CLK2: variants seen among roughly 807,000 people sequenced by gnomAD.
The protein encoded by CLK2 is dual specificity protein kinase CLK2.
In CLK2, 12 loss-of-function variants were observed where a neutral mutation model predicts 73.5. That is an observed-to-expected ratio of 0.16 (90% CI 0.10 to 0.26). The LOEUF is 0.26. CLK2 is among the 10% of genes least tolerant of loss of function. The pLI, the probability that CLK2 is intolerant of heterozygous loss-of-function variation, is 1.00. For missense variants in CLK2, 509 were observed against 688.4 expected (o/e 0.74, Z 2.92); for synonymous variants, 232 against 237.9 (o/e 0.98, Z 0.23).
chr1:155,265,662 C>A (rs1673199938), intron 8 of CLK2, among the ~76,000 whole-genome samples, 198 bp downstream of exon 8: 1 of 152,058 alleles, frequency 6.6e-6, no homozygotes, highest in South Asian at 2.1e-4. Flanking sequence ...CTGAAGTCCC[C>A]TGTACAAGTT....
Position 155,268,417 on chromosome 1 carries a change from T to C in CLK2, c.488-58A>G. The stretch of plus-strand genomic sequence containing the variant: ...GAGGGAGAGAAGGTGGGGAATGAGC[T>C]GAGTTGGAAGAAAAAAGGGGACAGC... On this transcript the variant is annotated intron_variant, in intron 4 of 12. Transcript: ENST00000368361. The surrounding 1 kb of genome is among the most constrained non-coding windows in gnomAD (Gnocchi z 5.6). The C allele has an allele frequency of 6.8e-7, 1 of 1,470,622 alleles. No homozygotes were observed. Among genetic ancestry groups the C allele is most frequent in the Non-Finnish European group, 9.5e-7 (1 of 1,051,678 alleles). 91.1% of individuals were successfully genotyped at this position (1,470,622 alleles called of 1,614,324 possible). A position where few individuals can be genotyped will look rare whatever the true frequency, so the allele number is the denominator to read the frequency against.
Position 155,263,037 on chromosome 1 carries a change from A to G in CLK2, c.*181T>C. 1 of 615,844 alleles carries G rather than the reference A, an allele frequency of 1.6e-6. No homozygotes were observed. The highest frequency in any genetic ancestry group is 1.8e-5 in the African/African-American group (1 of 54,418). 38.1% of individuals were successfully genotyped at this position (615,844 alleles called of 1,614,324 possible). A position where few individuals can be genotyped will look rare whatever the true frequency, so the allele number is the denominator to read the frequency against. ...GATGGAATAGTATTATGTACAAGGC[A>G]GGGGTTGAAGTGATAGGTACAAGTT... On this transcript the variant is annotated 3_prime_UTR_variant, in exon 13 of 13. Transcript: ENST00000368361.
intron 9 of CLK2, 36 bp from the exon 10 acceptor site, chr1:155,264,586 C>T (rs1673137734): frequency 1.9e-6 from 3 of 1,614,086 alleles, no homozygotes; most frequent in South Asian, 1.1e-5. Context: ...TGTTATGAGG[C>T]TTAGGTGGCC....
chr1:155,263,833 C>T, intron 12 of CLK2, 117 bp downstream of exon 12: 1 of 1,376,780 alleles, frequency 7.3e-7, no homozygotes, highest in South Asian at 1.3e-5. Context: ...CTTCTTTCAG[C>T]TTTCCTCCCC....
chr1:155,263,101 T>C lies in CLK2; in HGVS notation c.*117A>G, dbSNP rs1025484647. The C allele has an allele frequency of 7.3e-6, 7 of 961,470 alleles. No homozygotes were observed. Among genetic ancestry groups the C allele is most frequent in the African/African-American group, 1.7e-5 (1 of 60,488 alleles). 59.6% of individuals were successfully genotyped at this position (961,470 alleles called of 1,614,324 possible). On this transcript the variant is annotated 3_prime_UTR_variant, in exon 13 of 13. Coordinates refer to ENST00000368361, the MANE Select transcript of CLK2 (RefSeq NM_001294338.2). ...ACTATTTCACATATTCACAGGTATA[T>C]AGAGAGCCAGGAGGAAGGAGTGAAC...
At chr1:155,267,368 G>C (rs1673278779) in intron 6 of CLK2, among the ~76,000 whole-genome samples, 1 of 152,138 alleles carries the variant, frequency 6.6e-6, no homozygotes, top group Admixed American at 6.5e-5. Flanking sequence ...GGGATTACAG[G>C]CGTGAGCCAC....
Position 155,268,821 on chromosome 1 carries a change from G to T in CLK2, c.400-26C>A. 2 of 1,192,890 alleles carry T rather than the reference G, an allele frequency of 1.7e-6. No homozygotes were observed. Among genetic ancestry groups the T allele is most frequent in the Non-Finnish European group, 2.3e-6 (2 of 853,530 alleles). 73.9% of individuals were successfully genotyped at this position (1,192,890 alleles called of 1,614,324 possible). A position where few individuals can be genotyped will look rare whatever the true frequency, so the allele number is the denominator to read the frequency against. On this transcript the variant is annotated intron_variant, in intron 3 of 12. Transcript: ENST00000368361. This position sits in a 1 kb window ranked among gnomAD's most constrained non-coding sequence, Gnocchi z 5.6. Reference sequence around the variant, plus strand: ...CTGTCGGGGGGCAGGGGGGGTCGGAGCAAGCCAGGTGTCGGAGCGGGGGCC... The same window carrying T: ...CTGTCGGGGGGCAGGGGGGGTCGGATCAAGCCAGGTGTCGGAGCGGGGGCC...
At chr1:155,267,902 G>T in intron 6 of CLK2, 108 bp downstream of exon 6, 1 of 741,732 alleles carries the variant, frequency 1.3e-6, no homozygotes, top group Non-Finnish European at 2.4e-6. Context: ...AAAGATGAAT[G>T]GATGAGAAGG....
Position 155,269,536 on chromosome 1 carries a change from C to A in CLK2, c.351G>T (p.Lys117Asn). ...SYRSQRSSRR[K>N]HRRRRRRSRT... The stretch of plus-strand genomic sequence containing the variant: ...GGCTGCGCCTCCTCCGCCGTCTGTG[C>A]TTCCTCCGGCTGCTGCGCTGGCTGC... The change falls in exon 3 of 13, where the codon AAG (lysine) becomes AAT (asparagine). Residue 117 changes from lysine (K) to asparagine (N), a missense_variant. Transcript: ENST00000368361. 1.2e-6 allele frequency: 2 copies of A among 1,614,074 alleles called. No homozygotes were observed. Among genetic ancestry groups the A allele is most frequent in the Non-Finnish European group, 1.7e-6 (2 of 1,180,036 alleles).
At position 155,272,426 on chromosome 1, in the gene CLK2, A is replaced by G. The variant is rs1287688290; in HGVS notation, c.-1+775T>C. Among the ~76,000 whole-genome samples, 3 of 152,222 alleles carry G rather than the reference A, an allele frequency of 2.0e-5. No homozygotes were observed. In the East Asian group the frequency reaches 5.8e-4, roughly 29 times the overall value. ...CAAATCCTTTTTTTCCTTCAAGGAAAAAAGAGAAAAATCACTGTCACAATC... is the reference window on the plus strand; with the variant it reads ...CAAATCCTTTTTTTCCTTCAAGGAAGAAAGAGAAAAATCACTGTCACAATC... On this transcript the variant is annotated intron_variant, in intron 1 of 12. Transcript: ENST00000368361.
chr1:155,267,975 T>G (rs759953072), intron 6 of CLK2, 35 bp downstream of exon 6: 1 of 1,491,454 alleles, frequency 6.7e-7, no homozygotes, highest in Non-Finnish European at 9.4e-7. Flanking sequence ...GGGTTGGGGC[T>G]CTCAGCCTCC....
At position 155,268,924 on chromosome 1, in the gene CLK2, C is replaced by T. The variant is rs1331394306; in HGVS notation, c.400-129G>A. Reference sequence around the variant, plus strand: ...AGGGGGGACAGACGATGATGGGGGACAGTGGAAGGGAACACGTCAGATGCA... The same window carrying T: ...AGGGGGGACAGACGATGATGGGGGATAGTGGAAGGGAACACGTCAGATGCA... On this transcript the variant is annotated intron_variant, in intron 3 of 12. Transcript: ENST00000368361. The surrounding 1 kb of genome is among the most constrained non-coding windows in gnomAD (Gnocchi z 5.6). 2 of 672,668 alleles carry T rather than the reference C, an allele frequency of 3.0e-6. No individual in the cohort carries two copies. Among genetic ancestry groups the T allele is most frequent in the Admixed American group, 2.1e-5 (1 of 47,902 alleles). 41.7% of individuals were successfully genotyped at this position (672,668 alleles called of 1,614,324 possible).
Position 155,263,047 on chromosome 1 carries a change from G to A in CLK2, c.*171C>T. 1.6e-6 allele frequency: 1 copy of A among 643,836 alleles called. No homozygotes were observed. The allele number at this position is 643,836 out of a possible 1,614,324, so 39.9% of individuals were successfully genotyped here. A position where few individuals can be genotyped will look rare whatever the true frequency, so the allele number is the denominator to read the frequency against. On this transcript the variant is annotated 3_prime_UTR_variant, in exon 13 of 13. Coordinates refer to ENST00000368361, the MANE Select transcript of CLK2 (RefSeq NM_001294338.2). Reference sequence around the variant, plus strand: ...TATTATGTACAAGGCAGGGGTTGAAGTGATAGGTACAAGTTCTTTCATATT... The same window carrying A: ...TATTATGTACAAGGCAGGGGTTGAAATGATAGGTACAAGTTCTTTCATATT...
Position 155,269,294 on chromosome 1 carries a change from G to A in CLK2, c.399+194C>T, listed in dbSNP as rs1007057880. On this transcript the variant is annotated intron_variant, in intron 3 of 12. Coordinates refer to ENST00000368361, the MANE Select transcript of CLK2 (RefSeq NM_001294338.2). ...GAGCACTGGGGGTCACAAATGCTCC[G>A]TGCCCATCCATCTCCAAAGCAGATC... 1.8e-4 allele frequency: 112 copies of A among 613,620 alleles called. No individual in the cohort carries two copies. In the East Asian group the frequency reaches 1.9e-3, roughly 10 times the overall value. 38.0% of individuals were successfully genotyped at this position (613,620 alleles called of 1,614,324 possible).
At chr1:155,263,811 G>T in intron 12 of CLK2, 139 bp downstream of exon 12, 1 of 1,387,154 alleles carries the variant, frequency 7.2e-7, no homozygotes, top group South Asian at 1.4e-5. Context: ...TTCCTCTGTT[G>T]ACCAAAGATG....
Position 155,268,477 on chromosome 1 carries a change from A to G in CLK2, c.488-118T>C. ...TGGAGATGAAGGAAGGGGAACAGATACAGATGGTCACAGGGGAAGAAAACC... is the reference window on the plus strand; with the variant it reads ...TGGAGATGAAGGAAGGGGAACAGATGCAGATGGTCACAGGGGAAGAAAACC... On this transcript the variant is annotated intron_variant, in intron 4 of 12. Coordinates refer to ENST00000368361, the MANE Select transcript of CLK2 (RefSeq NM_001294338.2). The surrounding 1 kb of genome is among the most constrained non-coding windows in gnomAD (Gnocchi z 5.6). The G allele has an allele frequency of 1.2e-6, 1 of 841,852 alleles. No individual in the cohort carries two copies. Among genetic ancestry groups the G allele is most frequent in the South Asian group, 1.4e-5 (1 of 69,454 alleles). 52.1% of individuals were successfully genotyped at this position (841,852 alleles called of 1,614,324 possible). A position where few individuals can be genotyped will look rare whatever the true frequency, so the allele number is the denominator to read the frequency against.
At position 155,264,294 on chromosome 1, in the gene CLK2, C is replaced by T; in HGVS notation, c.1153G>A (p.Asp385Asn). ...YVGFTLFQTHDNREHLAMMER... is the reference protein window; with the variant it reads ...YVGFTLFQTHNNREHLAMMER... ...ATCATGGCTAGATGCTCTCTGTTGT[C>T]ATGGGTCTGGGAAACAAAAACAGAA... The change falls in exon 11 of 13, where the codon GAC becomes AAC. Residue 385 changes from aspartate to asparagine, a missense_variant. Around this residue, in one of 6 missense-constraint regions of CLK2, gnomAD observed 48 missense variants for 144.9 expected, o/e 0.33. Transcript: ENST00000368361. 1 of 1,614,152 alleles carries T rather than the reference C, an allele frequency of 6.2e-7. No individual in the cohort carries two copies. Among genetic ancestry groups the T allele is most frequent in the South Asian group, 1.1e-5 (1 of 91,086 alleles).
At chr1:155,266,926 T>C in intron 6 of CLK2, 31 bp from the exon 7 acceptor site, 1 of 1,609,432 alleles carries the variant, frequency 6.2e-7, no homozygotes, top group South Asian at 1.1e-5. Context: ...AGGGGGGTTG[T>C]CTGATGAGCT....
At chr1:155,269,778 G>A (rs1673414113) in intron 2 of CLK2, 62 bp from the exon 3 acceptor site, 2 of 1,459,496 alleles carry the variant, frequency 1.4e-6, no homozygotes, top group African/African-American at 2.8e-5. Context: ...ACCATACCCT[G>A]TGACAAGGTC....
Sources: gnomAD v4.1 joint callset for allele counts (sites outside exome capture counted in the v4.1 genomes callset) on GRCh38, gnomAD v4.1.1 for gene constraint, gnomAD v4.1.1 regional missense constraint, Gnocchi (gnomAD v3.1) non-coding constraint, MANE v1.5 for transcripts, NCBI Gene and HGNC (gene_info 2026-07-23, HGNC 2026-07-21) for gene names.